Variants in ARID1B observed in about 807,000 individuals in gnomAD.
ARID1B encodes AT-rich interaction domain 1B, also known as AT-rich interactive domain-containing protein 1B.
A neutral mutation model predicts 212.3 loss-of-function variants in ARID1B; 30 were observed. That is an observed-to-expected ratio of 0.14 (90% CI 0.11 to 0.19). The LOEUF is 0.19. Ranked by LOEUF, ARID1B falls within the 10% of genes least tolerant of loss-of-function variation. The probability of loss-of-function intolerance (pLI) is 1.00; values close to 1 mark genes in which losing one functional copy is unlikely to be tolerated. For synonymous variants in ARID1B, 1,402 were observed against 1,301.7 expected (o/e 1.08, Z -1.66); for missense variants, 2,891 against 3,204.0 (o/e 0.90, Z 2.36).
chr6:156,847,018 A>G (rs1583153300), intron 2 of ARID1B, among the ~76,000 whole-genome samples: 3 of 151,968 alleles, frequency 2.0e-5, no homozygotes, highest in Middle Eastern at 3.4e-3. Flanking sequence ...ATCTCACCTC[A>G]TGTTTTCTTT....
At chr6:156,980,343 C>T (rs562873298) in intron 4 of ARID1B, among the ~76,000 whole-genome samples, 17 of 151,864 alleles carry the variant, frequency 1.1e-4, no homozygotes, top group African/African-American at 2.2e-4. Flanking sequence ...ATTAGCCGGG[C>T]GTGGTGGTGG....
chr6:156,906,795 G>A (rs1789431137), intron 3 of ARID1B, among the ~76,000 whole-genome samples: 1 of 151,988 alleles, frequency 6.6e-6, no homozygotes, highest in African/African-American at 2.4e-5. Flanking sequence ...CATTTGTTGA[G>A]GTACTTTTCA....
At chr6:157,137,406 G>A (rs533445839) in intron 7 of ARID1B, among the ~76,000 whole-genome samples, 5 of 152,220 alleles carry the variant, frequency 3.3e-5, no homozygotes, top group Admixed American at 2.6e-4. Flanking sequence ...GGACTGTGGG[G>A]ACTTGCTTTA....
chr6:157,025,299 G>A (rs928642050), intron 4 of ARID1B, among the ~76,000 whole-genome samples: 1 of 152,230 alleles, frequency 6.6e-6, no homozygotes, highest in South Asian at 2.1e-4. Context: ...GATATTGTTT[G>A]AATTCATGTC....
chr6:157,204,172 CT>C lies in ARID1B; in HGVS notation c.5394+177del, dbSNP rs764723365. On this transcript the variant is annotated intron_variant, in intron 19 of 19. Transcript: ENST00000636930. Reference sequence around the variant, plus strand: ...GTAGAGTTATCTGGGATAATATTCACTGTAGTCTTTAGTGTGTGTACACACA... The same window carrying C: ...GTAGAGTTATCTGGGATAATATTCACGTAGTCTTTAGTGTGTGTACACACA... 9.8e-4 allele frequency: 779 copies of C among 791,856 alleles called. 4 individuals carry two copies. Among genetic ancestry groups the C allele is most frequent in the Non-Finnish European group, 5.1e-4 (250 of 492,968 alleles). The allele number at this position is 791,856 out of a possible 1,614,324, so 49.1% of individuals were successfully genotyped here.
At chr6:157,042,265 T>G (rs926038869) in intron 4 of ARID1B, among the ~76,000 whole-genome samples, 1 of 152,248 alleles carries the variant, frequency 6.6e-6, no homozygotes, top group Non-Finnish European at 1.5e-5. Context: ...AGGGCTTGCC[T>G]ATTTGACAAT....
At position 156,779,336 on chromosome 6, in the gene ARID1B, G is replaced by C. The variant is rs1033525188; in HGVS notation, c.1656G>C (p.Ala552=). Residue 552 remains alanine, a synonymous_variant, in exon 1 of 20, where the codon GCG becomes GCC. Coordinates refer to ENST00000636930, the MANE Select transcript of ARID1B (RefSeq NM_001374828.1). ...AAGAAAGGQQ[A]AAGMGLGKDM... ...GGGCGGCGGCGGGCGGCCAGCAGGCGGCCGCGGGCATGGGCTTGGGCAAGG... is the reference window on the plus strand; with the variant it reads ...GGGCGGCGGCGGGCGGCCAGCAGGCCGCCGCGGGCATGGGCTTGGGCAAGG... 14 of 1,150,674 alleles carry C rather than the reference G, an allele frequency of 1.2e-5. No homozygotes were observed. The highest frequency in any genetic ancestry group is 1.5e-5 in the Non-Finnish European group (14 of 937,430). 71.3% of individuals were successfully genotyped at this position (1,150,674 alleles called of 1,614,324 possible).
chr6:157,088,934 A>G (rs1034871516), intron 5 of ARID1B, among the ~76,000 whole-genome samples: 12 of 152,122 alleles, frequency 7.9e-5, no homozygotes, highest in African/African-American at 2.9e-4. Context: ...TTATTTTTCT[A>G]TATGTAGTCT....
At chr6:157,046,906 A>G (rs185735568) in intron 4 of ARID1B, among the ~76,000 whole-genome samples, 12 of 152,198 alleles carry the variant, frequency 7.9e-5, no homozygotes, top group Non-Finnish European at 1.5e-4. Context: ...TGAGGGAGGG[A>G]AAGTGACTTA....
chr6:157,009,921 G>A (rs1279000885), intron 4 of ARID1B, among the ~76,000 whole-genome samples: 1 of 152,176 alleles, frequency 6.6e-6, no homozygotes, highest in Non-Finnish European at 1.5e-5. Flanking sequence ...TGAAGAATGT[G>A]ATGTAATATA....
intron 2 of ARID1B, among the ~76,000 whole-genome samples, chr6:156,889,818 T>TA (rs368881898): frequency 1.3e-5 from 2 of 151,862 alleles, no homozygotes; most frequent in East Asian, 1.9e-4. Context: ...TTGATATGGT[T>TA]AAAAAAAAGG....
intron 7 of ARID1B, among the ~76,000 whole-genome samples, chr6:157,139,258 C>G (rs1006227598): frequency 6.6e-6 from 1 of 152,232 alleles, no homozygotes; most frequent in African/African-American, 2.4e-5. Flanking sequence ...CGCACCATGT[C>G]AGGTGGGCTT....
intron 2 of ARID1B, among the ~76,000 whole-genome samples, chr6:156,874,987 A>G (rs117263466): frequency 6.6e-6 from 1 of 152,344 alleles, no homozygotes; most frequent in East Asian, 1.9e-4. Context: ...GCCCACCCAT[A>G]GTAACTGATC....
chr6:157,182,531 G>C (rs746182753), intron 12 of ARID1B, among the ~76,000 whole-genome samples: 2 of 152,142 alleles, frequency 1.3e-5, no homozygotes, highest in Non-Finnish European at 2.9e-5. Context: ...GGTGGCGGGG[G>C]TCACTAACTA....
chr6:156,779,512 C>A, intron 1 of ARID1B, 41 bp downstream of exon 1: 1 of 1,274,872 alleles, frequency 7.8e-7, no homozygotes, highest in Non-Finnish European at 9.9e-7. Flanking sequence ...GCCCGGCGGC[C>A]TCGCCGCGCC....
chr6:157,132,946 C>A, intron 6 of ARID1B, 82 bp from the exon 7 acceptor site: 1 of 1,425,462 alleles, frequency 7.0e-7, no homozygotes, highest in Non-Finnish European at 9.4e-7. Context: ...TGCCACCTGC[C>A]ACATCAGTCC....
intron 5 of ARID1B, among the ~76,000 whole-genome samples, chr6:157,087,866 G>A (rs1168170329): frequency 4.6e-5 from 7 of 151,638 alleles, no homozygotes; most frequent in East Asian, 3.9e-4. Context: ...GAGGAAGACC[G>A]GAAAACGAGA....
At chr6:156,897,733 T>C (rs1405261422) in intron 2 of ARID1B, among the ~76,000 whole-genome samples, 1 of 152,120 alleles carries the variant, frequency 6.6e-6, no homozygotes, top group African/African-American at 2.4e-5. Context: ...AGGACTTCCA[T>C]GGGCCAGCAG....
At chr6:157,037,679 G>A (rs1259981056) in intron 4 of ARID1B, among the ~76,000 whole-genome samples, 1 of 152,200 alleles carries the variant, frequency 6.6e-6, no homozygotes, top group Non-Finnish European at 1.5e-5. Flanking sequence ...AAGATTTTAA[G>A]CCAGGTAGTG....
Sources: gnomAD v4.1 joint callset for allele counts (sites outside exome capture counted in the v4.1 genomes callset) on GRCh38, gnomAD v4.1.1 for gene constraint, MANE v1.5 for transcripts, NCBI Gene and HGNC (gene_info 2026-07-23, HGNC 2026-07-21) for gene names.